The following CNTNAP3B variants were observed in gnomAD, a reference collection of about 807,000 sequenced individuals.
The protein encoded by CNTNAP3B is contactin associated protein family member 3B, also known as contactin-associated protein-like 3B.
In CNTNAP3B, 25 loss-of-function variants were observed where a neutral mutation model predicts 108.9. The observed-to-expected ratio is 0.23, with a 90% CI of 0.17 to 0.32. The LOEUF is 0.32. Ranked by LOEUF, CNTNAP3B falls within the 10% of genes least tolerant of loss-of-function variation. The pLI, the probability that CNTNAP3B is intolerant of heterozygous loss-of-function variation, is 1.00. For synonymous variants in CNTNAP3B, 103 were observed against 473.4 expected (o/e 0.22, Z 10.16); for missense variants, 252 against 1,210.4 (o/e 0.21, Z 11.75).
intron 14 of CNTNAP3B, among the ~76,000 whole-genome samples, chr9:41,936,943 A>G (rs1824174585): frequency 6.6e-6 from 1 of 152,108 alleles, no homozygotes; most frequent in Non-Finnish European, 1.5e-5. Flanking sequence ...ACTTCACAAT[A>G]TTTTTTAAAG....
intron 4 of CNTNAP3B, among the ~76,000 whole-genome samples, chr9:42,003,680 G>A (rs1826046119): frequency 7.4e-6 from 1 of 134,818 alleles, no homozygotes; most frequent in South Asian, 2.4e-4. Flanking sequence ...CCAATATGGG[G>A]TGAGGCACAG....
chr9:41,937,613 T>A (rs1477467177), intron 14 of CNTNAP3B, among the ~76,000 whole-genome samples: 1 of 152,224 alleles, frequency 6.6e-6, no homozygotes, highest in African/African-American at 2.4e-5. Flanking sequence ...GCAATCTACA[T>A]GAGAAAATTG....
chr9:41,990,609 C>G (rs984458455), intron 8 of CNTNAP3B, among the ~76,000 whole-genome samples: 1 of 132,732 alleles, frequency 7.5e-6, no homozygotes, highest in Admixed American at 7.9e-5. Flanking sequence ...TGATATCCCC[C>G]TGGTCTCAAG....
At position 42,128,361 on chromosome 9, in the gene CNTNAP3B, C is replaced by G. The variant is rs901164607; in HGVS notation, c.85+649G>C. 5.1e-5 allele frequency among the ~76,000 whole-genome samples: 7 copies of G among 136,184 alleles called. 1 individual carries two copies. The highest frequency in any genetic ancestry group is 2.2e-4 in the Admixed American group (3 of 13,698). The allele number at this position is 136,184 out of a possible 152,430, so 89.3% of individuals were successfully genotyped here. A position where few individuals can be genotyped will look rare whatever the true frequency, so the allele number is the denominator to read the frequency against. On this transcript the variant is annotated intron_variant, in intron 1 of 23. Transcript: ENST00000377561. The stretch of plus-strand genomic sequence containing the variant: ...ATTAAATAATGTAAAATATTAGCAT[C>G]CAGAGAGGAATCATTTTCAAGATCA...
rs1214472876 is a variant in CNTNAP3B, at chr9:42,077,756, G to A, written c.197-694C>T. 7.5e-5 allele frequency among the ~76,000 whole-genome samples: 8 copies of A among 106,534 alleles called. 2 individuals are homozygous for A. Among genetic ancestry groups the A allele is most frequent in the African/African-American group, 2.7e-4 (7 of 25,722 alleles). The allele number at this position is 106,534 out of a possible 152,430, so 69.9% of individuals were successfully genotyped here. On this transcript the variant is annotated intron_variant, in intron 2 of 23. Coordinates refer to ENST00000377561, the MANE Select transcript of CNTNAP3B (RefSeq NM_001201380.3). ...GAAACTGGGGCAAGCCTCACACAGC[G>A]CTCATCCACCTTGGACAAGGAAAAG...
chr9:41,950,810 G>A (rs1391418824), intron 13 of CNTNAP3B, among the ~76,000 whole-genome samples: 3 of 139,592 alleles, frequency 2.1e-5, no homozygotes, highest in Admixed American at 1.5e-4. Context: ...GCCCAGGCTG[G>A]AGTGCAGTGG....
chr9:41,944,334 T>C (rs1415471228), intron 13 of CNTNAP3B, among the ~76,000 whole-genome samples: 19 of 145,836 alleles, frequency 1.3e-4, no homozygotes, highest in Non-Finnish European at 2.1e-4. Flanking sequence ...CTCTAAATAA[T>C]ACTAACAATG....
intron 3 of CNTNAP3B, among the ~76,000 whole-genome samples, chr9:42,047,548 G>T (rs1199574850): frequency 1.5e-5 from 1 of 66,148 alleles, no homozygotes; most frequent in Non-Finnish European, 3.0e-5. Context: ...AGAAGGGTGG[G>T]GTGAGATGAA....
At chr9:42,012,038 G>A (rs541012623) in intron 4 of CNTNAP3B, among the ~76,000 whole-genome samples, 1 of 98,634 alleles carries the variant, frequency 1.0e-5, no homozygotes, top group Non-Finnish European at 2.2e-5. Context: ...CCTGGAATCA[G>A]GCACAGGGCT....
chr9:41,979,110 G>A (rs1330785144), intron 9 of CNTNAP3B, among the ~76,000 whole-genome samples: 2 of 134,886 alleles, frequency 1.5e-5, no homozygotes, highest in East Asian at 2.3e-4. Context: ...TCTTCCTGAG[G>A]CGTTGTTCCT....
At chr9:42,116,725 T>G (rs1587284905) in intron 1 of CNTNAP3B, among the ~76,000 whole-genome samples, 1 of 138,506 alleles carries the variant, frequency 7.2e-6, no homozygotes, top group African/African-American at 2.9e-5. Flanking sequence ...AGACACAGAG[T>G]GGCAAATTGG....
At chr9:41,951,991 C>T (rs1587137489) in intron 13 of CNTNAP3B, among the ~76,000 whole-genome samples, 3 of 152,232 alleles carry the variant, frequency 2.0e-5, no homozygotes, top group African/African-American at 7.2e-5. Context: ...GCAGGAGAAT[C>T]GCTTGAATCC....
At chr9:41,932,633 C>T (rs1007898522) in intron 14 of CNTNAP3B, among the ~76,000 whole-genome samples, 4 of 152,182 alleles carry the variant, frequency 2.6e-5, no homozygotes, top group African/African-American at 4.8e-5. Flanking sequence ...GATTCTCCTG[C>T]CTCAGCCTCC....
At chr9:41,958,980 A>G (rs1908897) in intron 12 of CNTNAP3B, among the ~76,000 whole-genome samples, 1,822 of 109,202 alleles carry the variant, frequency 0.017, no homozygotes, top group Middle Eastern at 0.034. Context: ...TGTCCACATC[A>G]AACATCCAAC....
intron 1 of CNTNAP3B, among the ~76,000 whole-genome samples, chr9:42,124,485 T>G (rs1400164719): frequency 7.3e-6 from 1 of 136,422 alleles, no homozygotes; most frequent in Non-Finnish European, 1.6e-5. Context: ...ATTCCATGCC[T>G]TATATGTCAA....
chr9:41,921,460 G>C (rs965135460), intron 17 of CNTNAP3B, among the ~76,000 whole-genome samples: 6 of 149,456 alleles, frequency 4.0e-5, no homozygotes, highest in Admixed American at 1.3e-4. Context: ...TTAGTACCTG[G>C]AAGTTGTATC....
At chr9:42,042,100 G>A (rs1270612203) in intron 3 of CNTNAP3B, among the ~76,000 whole-genome samples, 2 of 142,186 alleles carry the variant, frequency 1.4e-5, no homozygotes. Context: ...GTGGTGGGAG[G>A]AGGGATAGCA....
At chr9:42,015,025 CTTTTTT>C (rs761938709) in intron 3 of CNTNAP3B, among the ~76,000 whole-genome samples, 2 of 11,200 alleles carry the variant, frequency 1.8e-4, no homozygotes, top group Non-Finnish European at 2.7e-4. Flanking sequence ...ATCATTTCAC[CTTTTTT>C]TTTTTTTTTT....
At position 42,046,007 on chromosome 9, in the gene CNTNAP3B, G is replaced by T. The variant is rs1826867783; in HGVS notation, c.390+30862C>A. ...CCTGCAGCTGCAGGACAGCCATGGG[G>T]TAGATGGAGGACAGTCAGAATTCTC... On this transcript the variant is annotated intron_variant, in intron 3 of 23. Transcript: ENST00000377561. Among the ~76,000 whole-genome samples the T allele has an allele frequency of 3.6e-5, 4 of 112,658 alleles. No individual in the cohort carries two copies. The South Asian group carries it at 8.5e-4, about 24-fold the overall frequency. 73.9% of individuals were successfully genotyped at this position (112,658 alleles called of 152,430 possible). A position where few individuals can be genotyped will look rare whatever the true frequency, so the allele number is the denominator to read the frequency against.
Sources: allele counts gnomAD v4.1 joint callset (sites outside exome capture counted in the v4.1 genomes callset), GRCh38; gene constraint gnomAD v4.1.1; transcripts MANE v1.5; gene names NCBI Gene and HGNC (gene_info 2026-07-23, HGNC 2026-07-21).